Variants in USP15 observed in about 807,000 individuals in gnomAD.
The protein encoded by USP15 is ubiquitin carboxyl-terminal hydrolase 15.
Under a neutral mutation model 127.1 loss-of-function variants are expected in USP15, and 18 were observed. That is an observed-to-expected ratio of 0.14 (90% CI 0.10 to 0.21). The LOEUF is 0.21. Ranked by LOEUF, USP15 falls within the 10% of genes least tolerant of loss-of-function variation. The pLI, the probability that USP15 is intolerant of heterozygous loss-of-function variation, is 1.00. For missense variants in USP15, 805 were observed against 1,159.9 expected, an observed-to-expected ratio of 0.69 and a Z score of 4.44; for synonymous variants, 364 against 393.7, an observed-to-expected ratio of 0.92 and a Z score of 0.89.
intron 1 of USP15, among the ~76,000 whole-genome samples, chr12:62,269,444 G>A (rs2063290438): frequency 6.6e-6 from 1 of 151,800 alleles, no homozygotes; most frequent in African/African-American, 2.4e-5. Flanking sequence ...TTAGAGACAG[G>A]GTCTGGCTCT....
At chr12:62,265,045 A>C (rs1023461156) in intron 1 of USP15, among the ~76,000 whole-genome samples, 1 of 152,194 alleles carries the variant, frequency 6.6e-6, no homozygotes, top group Non-Finnish European at 1.5e-5. Flanking sequence ...TTCTTAATTT[A>C]AGCCTTTTTC....
rs572455237 is a variant in USP15 at position 62,411,943 on chromosome 12, A to G, written c.*7568A>G. Reference sequence around the variant, plus strand: ...CCTCATCTAAACCTAATTATCTCCTAAAGACTTCCTCTCCAAATACTATTT... The same window carrying G: ...CCTCATCTAAACCTAATTATCTCCTGAAGACTTCCTCTCCAAATACTATTT... On this transcript the variant is annotated 3_prime_UTR_variant, in exon 22 of 22. Coordinates refer to ENST00000280377, the MANE Select transcript of USP15 (RefSeq NM_001252078.2). The G allele has an allele frequency of 6.6e-6, 1 of 152,246 alleles. No individual in the cohort carries two copies. Among genetic ancestry groups the G allele is most frequent in the Admixed American group, 6.5e-5 (1 of 15,276 alleles). The allele number at this position is 152,246 out of a possible 1,614,324, so 9.4% of individuals were successfully genotyped here. A position where few individuals can be genotyped will look rare whatever the true frequency, so the allele number is the denominator to read the frequency against.
chr12:62,272,018 A>G (rs2063355389), intron 1 of USP15, among the ~76,000 whole-genome samples: 1 of 151,776 alleles, frequency 6.6e-6, no homozygotes, highest in Non-Finnish European at 1.5e-5. Context: ...GTTTTACTGA[A>G]ACCATGAAAT....
Position 62,331,253 on chromosome 12 carries a change from A to G in USP15, c.683+5320A>G, listed in dbSNP as rs193260935. On this transcript the variant is annotated intron_variant, in intron 6 of 21. Coordinates refer to ENST00000280377, the MANE Select transcript of USP15 (RefSeq NM_001252078.2). ...AATTAAAGCTGTAATATGGTGATAGAAAGAAGAATCACTGGTAGAATTTAT... is the reference window on the plus strand; with the variant it reads ...AATTAAAGCTGTAATATGGTGATAGGAAGAAGAATCACTGGTAGAATTTAT... Among the ~76,000 whole-genome samples, 58 of 152,256 alleles carry G rather than the reference A, an allele frequency of 3.8e-4. No homozygotes were observed. In the Middle Eastern group the frequency reaches 0.014, roughly 36 times the overall value.
chr12:62,308,475 C>G (rs1023933537), intron 3 of USP15, among the ~76,000 whole-genome samples: 1 of 152,006 alleles, frequency 6.6e-6, no homozygotes, highest in African/African-American at 2.4e-5. Flanking sequence ...GCCTGTACTT[C>G]TATTGGGAGT....
intron 3 of USP15, among the ~76,000 whole-genome samples, chr12:62,308,965 T>G (rs1017014972): frequency 1.3e-5 from 2 of 152,164 alleles, no homozygotes; most frequent in South Asian, 2.1e-4. Flanking sequence ...CTTAAAAGAT[T>G]GGCTGAAATT....
At chr12:62,264,278 A>T (rs1009587381) in intron 1 of USP15, among the ~76,000 whole-genome samples, 4 of 152,186 alleles carry the variant, frequency 2.6e-5, no homozygotes, top group African/African-American at 9.6e-5. Context: ...ACCACCTGCA[A>T]AATTTCTGGC....
intron 6 of USP15, among the ~76,000 whole-genome samples, chr12:62,327,298 C>T (rs368237635): frequency 2.6e-5 from 4 of 151,530 alleles, no homozygotes; most frequent in African/African-American, 9.7e-5. Flanking sequence ...TCTTACCCTA[C>T]TTAGTTGGAT....
intron 8 of USP15, among the ~76,000 whole-genome samples, chr12:62,377,743 C>G (rs147448694): frequency 0.016 from 2,466 of 151,256 alleles, 49 homozygotes; most frequent in Non-Finnish European, 0.02. Context: ...AAAAAAGAAA[C>G]CGGCTTCTTT....
chr12:62,314,888 T>C lies in USP15; in HGVS notation c.447T>C (p.Thr149=). The change falls in exon 4 of 22, where the codon ACT becomes ACC. Residue 149 remains threonine, a synonymous_variant. Coordinates refer to ENST00000280377, the MANE Select transcript of USP15 (RefSeq NM_001252078.2). ...CENGNMNNVV[T]RRFSKADTID... is the part of the protein sequence containing the mutation. Reference sequence around the variant, plus strand: ...ATGGAAACATGAATAATGTTGTAACTCGAAGATTTAGCAAAGCTGACACAA... The same window carrying C: ...ATGGAAACATGAATAATGTTGTAACCCGAAGATTTAGCAAAGCTGACACAA... The C allele has an allele frequency of 6.3e-7, 1 of 1,592,112 alleles. No individual in the cohort carries two copies.
At position 62,294,556 on chromosome 12, in the gene USP15, A is replaced by G. The variant is rs189782647; in HGVS notation, c.217+250A>G. Reference sequence around the variant, plus strand: ...TGTTGTTTAAACCCTTAAATGAAGAACTGATTTCTTCATTTAAAGATTTCA... The same window carrying G: ...TGTTGTTTAAACCCTTAAATGAAGAGCTGATTTCTTCATTTAAAGATTTCA... On this transcript the variant is annotated intron_variant, in intron 2 of 21. Transcript: ENST00000280377. 1.1e-3 allele frequency: 296 copies of G among 264,514 alleles called. 3 individuals carry two copies. The highest frequency in any genetic ancestry group is 6.2e-3 in the African/African-American group (278 of 44,604). The allele number at this position is 264,514 out of a possible 1,614,324, so 16.4% of individuals were successfully genotyped here. A position where few individuals can be genotyped will look rare whatever the true frequency, so the allele number is the denominator to read the frequency against.
chr12:62,400,549 G>T (rs143518586), intron 20 of USP15, among the ~76,000 whole-genome samples: 2 of 148,848 alleles, frequency 1.3e-5, no homozygotes, highest in East Asian at 3.9e-4. Context: ...GTTCAGGGAC[G>T]CAGAACCCAT....
chr12:62,279,116 T>A (rs1252458026), intron 1 of USP15: 1 of 152,194 alleles, frequency 6.6e-6, no homozygotes, highest in East Asian at 1.9e-4. Flanking sequence ...TCATTTTGCA[T>A]AACTGAAACT....
At chr12:62,279,307 T>C (rs7133047) in intron 1 of USP15, among the ~76,000 whole-genome samples, 12,187 of 152,230 alleles carry the variant, frequency 0.08, 596 homozygotes, top group Middle Eastern at 0.16. Flanking sequence ...GGTTCATCCA[T>C]GTTGCTGCAT....
rs1352539337 is a variant in USP15, at chr12:62,415,737, G to A, written c.*11362G>A. ...GAATATACAGTTTGCTTGTGATGGAGGGCTATTAATATTTATAAGGAAACC... is the reference window on the plus strand; with the variant it reads ...GAATATACAGTTTGCTTGTGATGGAAGGCTATTAATATTTATAAGGAAACC... On this transcript the variant is annotated 3_prime_UTR_variant, in exon 22 of 22. Transcript: ENST00000280377. The A allele has an allele frequency of 2.0e-5, 3 of 152,122 alleles. No individual in the cohort carries two copies. Among genetic ancestry groups the A allele is most frequent in the Non-Finnish European group, 2.9e-5 (2 of 68,040 alleles). The allele number at this position is 152,122 out of a possible 1,614,324, so 9.4% of individuals were successfully genotyped here. A position where few individuals can be genotyped will look rare whatever the true frequency, so the allele number is the denominator to read the frequency against.
At position 62,312,570 on chromosome 12, in the gene USP15, A is replaced by G. The variant is rs1229200831; in HGVS notation, c.349-2220A>G. Among the ~76,000 whole-genome samples the G allele has an allele frequency of 2.6e-5, 4 of 151,726 alleles. No individual in the cohort carries two copies. In the East Asian group the frequency reaches 7.7e-4, roughly 29 times the overall value. The stretch of plus-strand genomic sequence containing the variant: ...AGTCTTCCATTTTGGACAAGGAGCC[A>G]GATTTCATCATGTACTCACTTTTTA... On this transcript the variant is annotated intron_variant, in intron 3 of 21. Transcript: ENST00000280377.
intron 21 of USP15, among the ~76,000 whole-genome samples, chr12:62,402,412 C>T (rs1052040751): frequency 6.6e-6 from 1 of 151,884 alleles, no homozygotes; most frequent in African/African-American, 2.4e-5. Flanking sequence ...CTTACTATGG[C>T]CACTTAGAAA....
chr12:62,401,706 C>T (rs910325387), intron 21 of USP15, among the ~76,000 whole-genome samples: 12 of 151,696 alleles, frequency 7.9e-5, no homozygotes, highest in Admixed American at 7.9e-4. Context: ...CTCAAAATGA[C>T]ATAATTAGAT....
chr12:62,356,396 T>C (rs2066132011), intron 8 of USP15, among the ~76,000 whole-genome samples: 1 of 151,962 alleles, frequency 6.6e-6, no homozygotes, highest in South Asian at 2.1e-4. Context: ...GGATGACTCT[T>C]CACCATTCAG....
Sources: allele counts gnomAD v4.1 joint callset (sites outside exome capture counted in the v4.1 genomes callset), GRCh38; gene constraint gnomAD v4.1.1; transcripts MANE v1.5; gene names NCBI Gene and HGNC (gene_info 2026-07-23, HGNC 2026-07-21).